SCARA5: variants seen among roughly 807,000 people sequenced by gnomAD.
SCARA5 encodes the protein scavenger receptor class A member 5.
SCARA5 carries 45 observed loss-of-function variants against 46.3 expected under a neutral mutation model. That is an observed-to-expected ratio of 0.97 (90% confidence interval 0.76 to 1.24). SCARA5 has a LOEUF of 1.24. Ranked by LOEUF, SCARA5 falls within the 50% of genes most tolerant of loss-of-function variation. SCARA5 has a pLI of 0.00. For missense variants in SCARA5, 680 were observed against 689.0 expected (o/e 0.99, Z 0.15); for synonymous variants, 333 against 306.5 (o/e 1.09, Z -0.90).
chr8:27,918,505 AGAGGAAAAG>A (rs139506235), intron 4 of SCARA5, among the ~76,000 whole-genome samples: 146,139 of 147,288 alleles, frequency 0.99, 72,508 homozygotes, highest in Non-Finnish European at 1. Flanking sequence ...AGGAGGAAAA[AGAGGAAAAG>A]GAGGAAAAGG....
chr8:27,905,411 T>C (rs1807236828), intron 6 of SCARA5, among the ~76,000 whole-genome samples: 1 of 151,614 alleles, frequency 6.6e-6, no homozygotes, highest in Non-Finnish European at 1.5e-5. Flanking sequence ...GGACTTCTAT[T>C]CCAAGGACCC....
intron 3 of SCARA5, among the ~76,000 whole-genome samples, chr8:27,922,788 A>G (rs1807620034): frequency 1.0e-5 from 1 of 96,044 alleles, no homozygotes; most frequent in African/African-American, 3.0e-5. Flanking sequence ...AAGTCATAGT[A>G]AGGGGGGTCT....
intron 3 of SCARA5, among the ~76,000 whole-genome samples, chr8:27,947,298 G>A (rs911477789): frequency 2.6e-5 from 4 of 152,080 alleles, no homozygotes; most frequent in African/African-American, 7.2e-5. Flanking sequence ...AGGCATGAGC[G>A]ACTGCACCCA....
intron 3 of SCARA5, among the ~76,000 whole-genome samples, chr8:27,930,340 C>T (rs184476364): frequency 2.0e-5 from 3 of 152,004 alleles, no homozygotes; most frequent in African/African-American, 7.2e-5. Context: ...GTGAGACGTG[C>T]CTTTCACCTT....
intron 4 of SCARA5, among the ~76,000 whole-genome samples, chr8:27,921,033 T>TA (rs1807575288): frequency 7.2e-6 from 1 of 138,612 alleles, no homozygotes; most frequent in East Asian, 2.2e-4. Flanking sequence ...AAAAAACAGT[T>TA]ACAAATGAAA....
chr8:27,971,277 C>G (rs1162493357), intron 2 of SCARA5, among the ~76,000 whole-genome samples: 1 of 152,234 alleles, frequency 6.6e-6, no homozygotes, highest in African/African-American at 2.4e-5. Flanking sequence ...TGGCGATGCA[C>G]TCGGTGCCAG....
At chr8:27,932,020 C>G (rs1282816088) in intron 3 of SCARA5, among the ~76,000 whole-genome samples, 1 of 152,008 alleles carries the variant, frequency 6.6e-6, no homozygotes, top group Non-Finnish European at 1.5e-5. Flanking sequence ...ACTCTGTCAC[C>G]CAGGCTGGAG....
intron 2 of SCARA5, among the ~76,000 whole-genome samples, chr8:27,970,714 G>T (rs897768903): frequency 1.3e-5 from 2 of 152,058 alleles, no homozygotes; most frequent in Non-Finnish European, 1.5e-5. Flanking sequence ...TTCTTTCCTG[G>T]GCAAAGCCAA....
At chr8:27,888,817 G>A (rs1806937267) in intron 7 of SCARA5, among the ~76,000 whole-genome samples, 3 of 152,206 alleles carry the variant, frequency 2.0e-5, no homozygotes, top group Admixed American at 2.0e-4. Flanking sequence ...GAGCATCCCT[G>A]CCTGGTTTCA....
rs187829367 is a variant in SCARA5 at position 27,883,493 on chromosome 8, T to A, written c.1154-3727A>T. 2.0e-3 allele frequency among the ~76,000 whole-genome samples: 311 copies of A among 152,318 alleles called. 2 individuals carry two copies. The highest frequency in any genetic ancestry group is 7.0e-3 in the African/African-American group (290 of 41,558). Reference sequence around the variant, plus strand: ...GAGTGGTCAGTGGGTCTTATCAAAATCATTAGGAACACCAGATTCCACGGC... The same window carrying A: ...GAGTGGTCAGTGGGTCTTATCAAAAACATTAGGAACACCAGATTCCACGGC... On this transcript the variant is annotated intron_variant, in intron 7 of 8. Coordinates refer to ENST00000354914, the MANE Select transcript of SCARA5 (RefSeq NM_173833.6).
At chr8:27,875,361 C>G (rs188656026) in intron 8 of SCARA5, among the ~76,000 whole-genome samples, 1 of 151,970 alleles carries the variant, frequency 6.6e-6, no homozygotes, top group Non-Finnish European at 1.5e-5. Context: ...TTCCATGTAT[C>G]GCAGGGATCA....
chr8:27,918,647 GA>G, intron 4 of SCARA5, among the ~76,000 whole-genome samples: 1 of 852 alleles, frequency 1.2e-3, no homozygotes, highest in Non-Finnish European at 3.1e-3. Context: ...AGATGAGGAG[GA>G]GGAAAAGGAA....
Position 27,877,622 on chromosome 8 carries a change from TG to T in SCARA5, c.1351+1946del, listed in dbSNP as rs549263531. ...AAGAAGCCTTCTTCGGAGCTAGAAA[TG>T]GGAATTTGAGGACTGTTCCTATTCT... On this transcript the variant is annotated intron_variant, in intron 8 of 8. Coordinates refer to ENST00000354914, the MANE Select transcript of SCARA5 (RefSeq NM_173833.6). Among the ~76,000 whole-genome samples, 27 of 152,308 alleles carry T rather than the reference TG, an allele frequency of 1.8e-4. No homozygotes were observed. The East Asian group carries it at 5.2e-3, about 29-fold the overall frequency.
intron 4 of SCARA5, among the ~76,000 whole-genome samples, chr8:27,911,154 A>C (rs2685350): frequency 0.95 from 145,024 of 152,164 alleles, 69,520 homozygotes; most frequent in Middle Eastern, 1. Flanking sequence ...CTCACTGCCC[A>C]CTCCTTGCAA....
intron 3 of SCARA5, among the ~76,000 whole-genome samples, chr8:27,950,601 G>A (rs1005253289): frequency 1.3e-5 from 2 of 152,170 alleles, no homozygotes; most frequent in African/African-American, 4.8e-5. Flanking sequence ...GACCCAGAAG[G>A]AGGGACATGT....
In SCARA5 at chr8:27,992,545, G is replaced by C. The variant is rs534696434; in HGVS notation, c.-304C>G. The C allele has an allele frequency of 2.6e-5, 4 of 152,790 alleles. No individual in the cohort carries two copies. Among genetic ancestry groups the C allele is most frequent in the African/African-American group, 7.2e-5 (3 of 41,588 alleles). 9.5% of individuals were successfully genotyped at this position (152,790 alleles called of 1,614,324 possible). A position where few individuals can be genotyped will look rare whatever the true frequency, so the allele number is the denominator to read the frequency against. ...GGGGGACCCAGAATGGGGGGTGTGC[G>C]CCTGGGACTCCCTGTCCTTGGTGCC... On this transcript the variant is annotated 5_prime_UTR_variant, in exon 1 of 9. Transcript: ENST00000354914.
chr8:27,951,648 G>A (rs985347715), intron 3 of SCARA5, among the ~76,000 whole-genome samples: 1 of 152,210 alleles, frequency 6.6e-6, no homozygotes, highest in African/African-American at 2.4e-5. Flanking sequence ...CACACGGTAA[G>A]GCAGAAGGCA....
At chr8:27,904,551 A>T (rs1016556724) in intron 7 of SCARA5, 21 of 604,318 alleles carry the variant, frequency 3.5e-5, no homozygotes, top group Non-Finnish European at 6.2e-5. Context: ...ATCCATGCAC[A>T]CAACCGCCAG....
At chr8:27,909,897 G>T (rs780734601) in intron 4 of SCARA5, among the ~76,000 whole-genome samples, 154 bp from the exon 5 acceptor site, 7 of 152,028 alleles carry the variant, frequency 4.6e-5, no homozygotes, top group Non-Finnish European at 8.8e-5. Flanking sequence ...GTCTCGGGGG[G>T]CATCAGGAAA....
Sources: gnomAD v4.1 joint callset for allele counts (sites outside exome capture counted in the v4.1 genomes callset) on GRCh38, gnomAD v4.1.1 for gene constraint, MANE v1.5 for transcripts, NCBI Gene and HGNC (gene_info 2026-07-23, HGNC 2026-07-21) for gene names.